GRM7: variants seen among roughly 807,000 people sequenced by gnomAD.
The protein encoded by GRM7 is metabotropic glutamate receptor 7.
Under a neutral mutation model 84.5 loss-of-function variants are expected in GRM7, and 35 were observed. That is an observed-to-expected ratio of 0.41 (90% CI 0.32 to 0.55). The LOEUF is 0.55. Among genes scored for constraint, GRM7 ranks in the 20% least tolerant of loss-of-function variants. The pLI, the probability that GRM7 is intolerant of heterozygous loss-of-function variation, is 0.19. For synonymous variants in GRM7, 487 were observed against 455.1 expected (o/e 1.07, Z -0.89); for missense variants, 1,003 against 1,194.6 (o/e 0.84, Z 2.36).
intron 1 of GRM7, among the ~76,000 whole-genome samples, chr3:6,958,629 A>G (rs192201976): frequency 1.3e-4 from 20 of 152,288 alleles, no homozygotes; most frequent in Middle Eastern, 3.4e-3. Context: ...TAGACCTTAC[A>G]TAACCGATGT....
chr3:7,184,066 C>G (rs1695433352), intron 2 of GRM7, among the ~76,000 whole-genome samples: 1 of 151,870 alleles, frequency 6.6e-6, no homozygotes, highest in South Asian at 2.1e-4. Flanking sequence ...ATTCTTTAGT[C>G]TTATGACAAG....
chr3:7,008,355 A>G (rs1005355560), intron 1 of GRM7, among the ~76,000 whole-genome samples: 1 of 152,200 alleles, frequency 6.6e-6, no homozygotes, highest in Non-Finnish European at 1.5e-5. Context: ...GTCCTTAAGG[A>G]AATTATTTGG....
chr3:6,976,395 A>G (rs1229858703), intron 1 of GRM7, among the ~76,000 whole-genome samples: 2 of 152,210 alleles, frequency 1.3e-5, no homozygotes, highest in Non-Finnish European at 2.9e-5. Flanking sequence ...CACCCATGTG[A>G]AAGTCTAATG....
intron 2 of GRM7, among the ~76,000 whole-genome samples, chr3:7,191,830 C>G (rs1346777220): frequency 6.6e-6 from 1 of 151,768 alleles, no homozygotes; most frequent in Non-Finnish European, 1.5e-5. Flanking sequence ...TTTATGTGTG[C>G]TAAAATTCAT....
intron 1 of GRM7, among the ~76,000 whole-genome samples, chr3:7,118,150 G>A (rs560958832): frequency 6.6e-6 from 1 of 152,180 alleles, no homozygotes; most frequent in South Asian, 2.1e-4. Context: ...CTTTGGGAGG[G>A]CAAGGTGGGA....
intron 5 of GRM7, among the ~76,000 whole-genome samples, chr3:7,452,035 T>A (rs139427691): frequency 1.1e-4 from 16 of 152,314 alleles, no homozygotes; most frequent in Non-Finnish European, 5.9e-5. Context: ...TGTTTGACAC[T>A]GTTCAGTACT....
At chr3:6,971,028 T>C (rs937714461) in intron 1 of GRM7, among the ~76,000 whole-genome samples, 1 of 150,430 alleles carries the variant, frequency 6.6e-6, no homozygotes, top group Non-Finnish European at 1.5e-5. Context: ...GAGAGAGAGA[T>C]GATGGCAGCT....
intron 6 of GRM7, among the ~76,000 whole-genome samples, chr3:7,459,376 G>A (rs1698146971): frequency 1.3e-5 from 2 of 152,120 alleles, no homozygotes; most frequent in African/African-American, 4.8e-5. Context: ...AGGAGCCAGT[G>A]TGCCAAAGCC....
rs190038599 is a variant in GRM7 at position 7,278,637 on chromosome 3, A to G, written c.737-20047A>G. Among the ~76,000 whole-genome samples, 505 of 152,256 alleles carry G rather than the reference A, an allele frequency of 3.3e-3. 2 individuals carry two copies. The highest frequency in any genetic ancestry group is 0.011 in the African/African-American group (478 of 41,568). On this transcript the variant is annotated intron_variant, in intron 2 of 9. Coordinates refer to ENST00000357716, the MANE Select transcript of GRM7 (RefSeq NM_000844.4). ...TTATACTTGGTATTTACCTTGTGTT[A>G]AGGCAATAATCATGCATAAGATGTG... is the stretch of plus-strand genomic sequence containing the variant.
intron 2 of GRM7, among the ~76,000 whole-genome samples, chr3:7,199,364 G>A (rs1288801856): frequency 6.6e-6 from 1 of 152,222 alleles, no homozygotes; most frequent in African/African-American, 2.4e-5. Context: ...AGGCAACAGA[G>A]TGAGTGCTGA....
intron 4 of GRM7, among the ~76,000 whole-genome samples, chr3:7,412,033 C>CCTCT (rs148851965): frequency 6.7e-6 from 1 of 149,480 alleles, no homozygotes; most frequent in East Asian, 2.0e-4. Flanking sequence ...TCTCCTCTCT[C>CCTCT]CTCTCTCTCT....
chr3:6,863,241 A>G lies in GRM7; in HGVS notation c.519+1334A>G, dbSNP rs1694824974. Among the ~76,000 whole-genome samples, 1 of 151,646 alleles carries G rather than the reference A, an allele frequency of 6.6e-6. No homozygotes were observed. The highest frequency in any genetic ancestry group is 6.6e-5 in the Admixed American group (1 of 15,234). ...TATTAAAATGACCCTTTTCCAGTGC[A>G]TAGCGGCTCTCTCCCTGGCTGGTGG... is the stretch of plus-strand genomic sequence containing the variant. On this transcript the variant is annotated intron_variant, in intron 1 of 9. Coordinates refer to ENST00000357716, the MANE Select transcript of GRM7 (RefSeq NM_000844.4). This position sits in a 1 kb window ranked among gnomAD's most constrained non-coding sequence, Gnocchi z 4.8.
At chr3:7,160,313 C>T (rs1261806628) in intron 2 of GRM7, among the ~76,000 whole-genome samples, 14 of 152,080 alleles carry the variant, frequency 9.2e-5, no homozygotes. Flanking sequence ...GGAAAAGTGC[C>T]AAGAAATACC....
intron 1 of GRM7, among the ~76,000 whole-genome samples, chr3:6,880,070 G>A (rs1346995668): frequency 6.6e-6 from 1 of 152,194 alleles, no homozygotes; most frequent in East Asian, 1.9e-4. Context: ...GATCTCGTTA[G>A]CTAGGGCTTT....
intron 2 of GRM7, among the ~76,000 whole-genome samples, chr3:7,178,737 A>G (rs1695238097): frequency 6.6e-6 from 1 of 152,132 alleles, no homozygotes; most frequent in Non-Finnish European, 1.5e-5. Flanking sequence ...TTCAGTAGTG[A>G]TAAACCAGAT....
At chr3:7,447,833 T>C (rs1697584030) in intron 5 of GRM7, among the ~76,000 whole-genome samples, 1 of 151,868 alleles carries the variant, frequency 6.6e-6, no homozygotes, top group African/African-American at 2.4e-5. Flanking sequence ...TGTGCCATGC[T>C]GGTGTGCTGC....
intron 4 of GRM7, among the ~76,000 whole-genome samples, chr3:7,390,558 C>CT (rs1293804607): frequency 6.6e-6 from 1 of 151,588 alleles, no homozygotes; most frequent in South Asian, 2.1e-4. Context: ...TTTTATTTTT[C>CT]TTTTTTTAGT....
At chr3:7,382,684 A>T (rs1334139885) in intron 4 of GRM7, among the ~76,000 whole-genome samples, 1 of 152,266 alleles carries the variant, frequency 6.6e-6, no homozygotes, top group African/African-American at 2.4e-5. Context: ...AAGGAAAAAA[A>T]TAAAGTAGTC....
intron 7 of GRM7, among the ~76,000 whole-genome samples, chr3:7,570,196 CT>C (rs1162920066): frequency 2.0e-5 from 3 of 152,136 alleles, no homozygotes; most frequent in Admixed American, 6.5e-5. Flanking sequence ...CATTCCACCC[CT>C]GGCCCCTCCC....
Sources: gnomAD v4.1 joint callset for allele counts (sites outside exome capture counted in the v4.1 genomes callset) on GRCh38, gnomAD v4.1.1 for gene constraint, Gnocchi (gnomAD v3.1) non-coding constraint, MANE v1.5 for transcripts, NCBI Gene and HGNC (gene_info 2026-07-23, HGNC 2026-07-21) for gene names.